Variants in TRMU observed in about 807,000 individuals in gnomAD.
TRMU encodes tRNA mitochondrial 2-thiouridylase, also known as mitochondrial tRNA-specific 2-thiouridylase 1.
TRMU carries 49 observed loss-of-function variants against 46.9 expected under a neutral mutation model. The observed-to-expected ratio is 1.05, with a 90% CI of 0.83 to 1.33. The LOEUF is 1.33. TRMU is among the 40% of genes most tolerant of loss of function. TRMU has a pLI of 0.00. For synonymous variants in TRMU, 241 were observed against 200.9 expected, an observed-to-expected ratio of 1.20 and a Z score of -1.69; for missense variants, 572 against 532.4, an observed-to-expected ratio of 1.07 and a Z score of -0.73.
Position 46,350,245 on chromosome 22 carries a change from C to A in TRMU, c.479-46C>A. On this transcript the variant is annotated intron_variant, in intron 4 of 10. Coordinates refer to ENST00000645190, the MANE Select transcript of TRMU (RefSeq NM_018006.5). The surrounding 1 kb of genome is among the most constrained non-coding windows in gnomAD (Gnocchi z 4.6). ...AAGGACATTGTTGAAAGTGAAGTAT[C>A]ATTATTTTTATTCCTGCATCGTCTT... 1 of 1,610,988 alleles carries A rather than the reference C, an allele frequency of 6.2e-7. No individual in the cohort carries two copies. The highest frequency in any genetic ancestry group is 1.1e-5 in the South Asian group (1 of 90,924).
chr22:46,345,442 T>C (rs531998975), intron 3 of TRMU, among the ~76,000 whole-genome samples: 8 of 152,316 alleles, frequency 5.3e-5, no homozygotes, highest in African/African-American at 1.9e-4. Flanking sequence ...GCTCTTTGGC[T>C]TTGTGTAATA....
At chr22:46,352,387 G>C in intron 7 of TRMU, 57 bp downstream of exon 7, 1 of 1,592,134 alleles carries the variant, frequency 6.3e-7, no homozygotes, top group South Asian at 1.1e-5. Context: ...TGGCGTTTCA[G>C]CTCTGGGAGA....
Position 46,355,615 on chromosome 22 carries a change from C to A in TRMU, c.1018+27C>A, listed in dbSNP as rs200943240. On this transcript the variant is annotated intron_variant, in intron 9 of 10. Coordinates refer to ENST00000645190, the MANE Select transcript of TRMU (RefSeq NM_018006.5). ...TGACTGACGGGAGGGCTCCTGAGGA[C>A]GGGCCCCTTGAAGCTGAGCTTCCTG... is the stretch of plus-strand genomic sequence containing the variant. 14 of 1,613,222 alleles carry A rather than the reference C, an allele frequency of 8.7e-6. No individual in the cohort carries two copies. In the Middle Eastern group the frequency reaches 4.9e-4, roughly 57 times the overall value.
intron 5 of TRMU, 66 bp from the exon 6 acceptor site, chr22:46,352,055 C>T (rs372181895): frequency 4.8e-5 from 75 of 1,575,904 alleles, no homozygotes; most frequent in Admixed American, 1.7e-4. Context: ...CCGCTCAGGA[C>T]GTCTGGGTAC....
In TRMU at chr22:46,356,903, C is replaced by A; in HGVS notation, c.1163C>A (p.Pro388Gln). 6.2e-7 allele frequency: 1 copy of A among 1,613,312 alleles called. No individual in the cohort carries two copies. ...LGSGKILRLG[P>Q]SAYTLQKGQR... is the part of the protein sequence containing the mutation. ...AGCGGGAAGATCCTGCGGCTGGGGC[C>A]GTCTGCCTACACGCTCCAGAAGGGC... Residue 388 changes from proline to glutamine, a missense_variant, in exon 11 of 11, where the codon CCG becomes CAG. By Grantham distance (76) the Pro-to-Gln change is moderately conservative (BLOSUM62 -1). Transcript: ENST00000645190.
Position 46,357,095 on chromosome 22 carries a change from C to CTG in TRMU, c.*90_*91dup. On this transcript the variant is annotated 3_prime_UTR_variant, in exon 11 of 11. Transcript: ENST00000645190. ...GTCCAGGTGCCCAAGGGCCAGCTTGCTGCTGCCCAAAGCAGAGGAAGCCGG... is the reference window on the plus strand; with the variant it reads ...GTCCAGGTGCCCAAGGGCCAGCTTGCTGTGCTGCCCAAAGCAGAGGAAGCCGG... 1 of 1,568,886 alleles carries CTG rather than the reference C, an allele frequency of 6.4e-7. No individual in the cohort carries two copies. The highest frequency in any genetic ancestry group is 1.8e-5 in the Admixed American group (1 of 56,622).
rs2078367054 is a variant in TRMU at position 46,350,012 on chromosome 22, ATTTTTTCAT to A, written c.479-278_479-270del. ...TTTTTTTTTCTTATCACTTGAGAAC[ATTTTTTCAT>A]GTGATGTTTCATCTTTGAAAATATT... On this transcript the variant is annotated intron_variant, in intron 4 of 10. Transcript: ENST00000645190. The surrounding 1 kb of genome is among the most constrained non-coding windows in gnomAD (Gnocchi z 4.6). Among the ~76,000 whole-genome samples, 1 of 147,934 alleles carries A rather than the reference ATTTTTTCAT, an allele frequency of 6.8e-6. No individual in the cohort carries two copies. The highest frequency in any genetic ancestry group is 1.5e-5 in the Non-Finnish European group (1 of 67,162).
At chr22:46,352,203 T>TG (rs2078450878) in intron 6 of TRMU, 29 bp downstream of exon 6, 1 of 1,613,900 alleles carries the variant, frequency 6.2e-7, no homozygotes, top group African/African-American at 1.3e-5. Context: ...CACAAAGAGA[T>TG]GGGGCTGCGT....
chr22:46,335,867 GC>G, intron 1 of TRMU, 21 bp downstream of exon 1: 5 of 1,528,168 alleles, frequency 3.3e-6, no homozygotes, highest in Admixed American at 2.0e-5. Flanking sequence ...CGAGGCTCCC[GC>G]CCCCCGCCGA....
Position 46,357,207 on chromosome 22 carries a change from C to T in TRMU, c.*201C>T, listed in dbSNP as rs2078640790. The T allele has an allele frequency of 1.4e-6, 1 of 698,336 alleles. No homozygotes were observed. The highest frequency in any genetic ancestry group is 2.4e-6 in the Non-Finnish European group (1 of 419,282). 43.3% of individuals were successfully genotyped at this position (698,336 alleles called of 1,614,324 possible). On this transcript the variant is annotated 3_prime_UTR_variant, in exon 11 of 11. Coordinates refer to ENST00000645190, the MANE Select transcript of TRMU (RefSeq NM_018006.5). Reference sequence around the variant, plus strand: ...CAGGCTGGGGCTCTGGCTGCTGGAGCATCTGCTGGCTGGTGGGGTGGCCCG... The same window carrying T: ...CAGGCTGGGGCTCTGGCTGCTGGAGTATCTGCTGGCTGGTGGGGTGGCCCG...
chr22:46,356,819 A>G, intron 10 of TRMU, 23 bp from the exon 11 acceptor site: 1 of 1,612,036 alleles, frequency 6.2e-7, no homozygotes, highest in Middle Eastern at 1.7e-4. Flanking sequence ...GGCACCCCTG[A>G]TGCCAGGGTC....
rs369523175 is a variant in TRMU at position 46,344,780 on chromosome 22, A to G, written c.355+1412A>G. Among the ~76,000 whole-genome samples, 188 of 152,362 alleles carry G rather than the reference A, an allele frequency of 1.2e-3. 4 individuals carry two copies. In the South Asian group the frequency reaches 0.037, roughly 30 times the overall value. On this transcript the variant is annotated intron_variant, in intron 3 of 10. Coordinates refer to ENST00000645190, the MANE Select transcript of TRMU (RefSeq NM_018006.5). ...TGAACTCACCGCGCTTCTCAGAGGC[A>G]TCCTGCGCTTTTTCTAGTATAAGTG...
At chr22:46,343,459 C>A in intron 3 of TRMU, 91 bp downstream of exon 3, 2 of 965,644 alleles carry the variant, frequency 2.1e-6, no homozygotes, top group Non-Finnish European at 3.2e-6. Flanking sequence ...GATCATGACT[C>A]ACTGCAGCCT....
At chr22:46,356,166 G>T (rs1301805615) in intron 10 of TRMU, 94 bp downstream of exon 10, 2 of 1,434,412 alleles carry the variant, frequency 1.4e-6, no homozygotes, top group Non-Finnish European at 1.9e-6. Flanking sequence ...TGAGGCCCAG[G>T]AGTAGGGTGT....
intron 3 of TRMU, among the ~76,000 whole-genome samples, chr22:46,345,779 T>C (rs940953004): frequency 1.0e-4 from 15 of 149,684 alleles, no homozygotes; most frequent in South Asian, 6.3e-4. Context: ...TTTTTTTTTT[T>C]CCTCCTGAGA....
intron 2 of TRMU, among the ~76,000 whole-genome samples, chr22:46,341,689 G>T (rs923800970): frequency 6.6e-6 from 1 of 151,658 alleles, no homozygotes; most frequent in Admixed American, 6.5e-5. Context: ...CCCTCTTGAA[G>T]TGAATCCTCG....
At position 46,348,337 on chromosome 22, in the gene TRMU, G is replaced by GCAAC. The variant is rs2078313577; in HGVS notation, c.478+1793_478+1794insCAAC. 6.6e-6 allele frequency among the ~76,000 whole-genome samples: 1 copy of GCAAC among 152,208 alleles called. No homozygotes were observed. The highest frequency in any genetic ancestry group is 1.5e-5 in the Non-Finnish European group (1 of 68,038). ...TGGGACAGTACTGATGCGTTCTGTT[G>GCAAC]AGTGCGTTTGGCATGTGGGAATTGT... is the stretch of plus-strand genomic sequence containing the variant. On this transcript the variant is annotated intron_variant, in intron 4 of 10. Transcript: ENST00000645190. This position sits in a 1 kb window ranked among gnomAD's most constrained non-coding sequence, Gnocchi z 4.8.
chr22:46,353,659 T>C (rs2078504735), intron 7 of TRMU, 108 bp from the exon 8 acceptor site: 1 of 991,666 alleles, frequency 1.0e-6, no homozygotes, highest in Admixed American at 1.7e-5. Flanking sequence ...GTTACACCAT[T>C]GCTGGGCCTG....
In TRMU at chr22:46,351,914, A is replaced by G; in HGVS notation, c.652-207A>G. The stretch of plus-strand genomic sequence containing the variant: ...GCGCAGGGTCAGACCCCGCGGGCCG[A>G]GACAATGAGGCGTTCTCTAAGGCTC... On this transcript the variant is annotated intron_variant, in intron 5 of 10. Transcript: ENST00000645190. The surrounding 1 kb of genome is among the most constrained non-coding windows in gnomAD (Gnocchi z 6.4). 1.4e-6 allele frequency: 1 copy of G among 705,902 alleles called. No homozygotes were observed. Among genetic ancestry groups the G allele is most frequent in the South Asian group, 1.5e-5 (1 of 65,130 alleles). 43.7% of individuals were successfully genotyped at this position (705,902 alleles called of 1,614,324 possible).
Sources: allele counts gnomAD v4.1 joint callset (sites outside exome capture counted in the v4.1 genomes callset), GRCh38; gene constraint gnomAD v4.1.1; non-coding constraint Gnocchi (gnomAD v3.1); transcripts MANE v1.5; gene names NCBI Gene and HGNC (gene_info 2026-07-23, HGNC 2026-07-21).